The following TMEM178B variants were observed in gnomAD, a reference collection of about 807,000 sequenced individuals.
The protein encoded by TMEM178B is transmembrane protein 178B.
A neutral mutation model predicts 31.0 loss-of-function variants in TMEM178B; 5 were observed. The observed-to-expected ratio is 0.16, with a 90% CI of 0.08 to 0.34. The LOEUF (loss-of-function observed/expected upper bound fraction) is 0.34, where lower values mean the gene tolerates loss of function less well. Ranked by LOEUF, TMEM178B falls within the 10% of genes least tolerant of loss-of-function variation. The probability of loss-of-function intolerance (pLI) is 1.00; values close to 1 mark genes in which losing one functional copy is unlikely to be tolerated. For missense variants in TMEM178B, 275 were observed against 400.3 expected, an observed-to-expected ratio of 0.69 and a Z score of 2.67; for synonymous variants, 164 against 164.0, an observed-to-expected ratio of 1.00 and a Z score of 0.00.
At chr7:141,250,484 A>C (rs1199010748) in intron 2 of TMEM178B, among the ~76,000 whole-genome samples, 1 of 152,226 alleles carries the variant, frequency 6.6e-6, no homozygotes, top group Non-Finnish European at 1.5e-5. Flanking sequence ...GGACAGGACC[A>C]GAAGGAAATA....
chr7:141,338,656 T>G (rs1171955644), intron 2 of TMEM178B, among the ~76,000 whole-genome samples: 1 of 152,160 alleles, frequency 6.6e-6, no homozygotes, highest in African/African-American at 2.4e-5. Flanking sequence ...TTTGGGACAC[T>G]GTATGCAGTA....
chr7:141,272,691 C>T (rs1377231685), intron 2 of TMEM178B, among the ~76,000 whole-genome samples: 1 of 152,216 alleles, frequency 6.6e-6, no homozygotes, highest in African/African-American at 2.4e-5. Flanking sequence ...AGCCCGTGGG[C>T]TGCCCTTGCC....
At chr7:141,451,290 G>T (rs1455950852) in intron 3 of TMEM178B, among the ~76,000 whole-genome samples, 3 of 152,304 alleles carry the variant, frequency 2.0e-5, no homozygotes, top group East Asian at 1.9e-4. Flanking sequence ...GTTGTTATGA[G>T]AATTAAATGA....
intron 2 of TMEM178B, among the ~76,000 whole-genome samples, chr7:141,409,288 G>A (rs1007972389): frequency 6.6e-6 from 1 of 152,156 alleles, no homozygotes; most frequent in Admixed American, 6.5e-5. Flanking sequence ...ACTGTTCCCA[G>A]ATGCATTTTA....
intron 1 of TMEM178B, among the ~76,000 whole-genome samples, chr7:141,200,939 G>T (rs1796866424): frequency 6.6e-6 from 1 of 152,110 alleles, no homozygotes; most frequent in Non-Finnish European, 1.5e-5. Flanking sequence ...GCGAGGATGG[G>T]GATGGCCTGC....
At chr7:141,140,770 TG>T (rs1469519545) in intron 1 of TMEM178B, among the ~76,000 whole-genome samples, 2 of 152,212 alleles carry the variant, frequency 1.3e-5, no homozygotes, top group Non-Finnish European at 2.9e-5. Context: ...GGAACTTGTC[TG>T]ATGTTTTTCT....
At chr7:141,409,611 G>A (rs538619108) in intron 2 of TMEM178B, among the ~76,000 whole-genome samples, 1 of 152,162 alleles carries the variant, frequency 6.6e-6, no homozygotes, top group South Asian at 2.1e-4. Flanking sequence ...AGATGATATG[G>A]TTGAATATTT....
At chr7:141,377,159 GTATTTATTTATTTATTTATTTATT>G (rs199852618) in intron 2 of TMEM178B, among the ~76,000 whole-genome samples, 27 of 145,172 alleles carry the variant, frequency 1.9e-4, no homozygotes, top group African/African-American at 5.3e-4. Flanking sequence ...GGCTACTTCT[GTATTTATTTATTTATTTATTTATT>G]TATTTATTTA....
At chr7:141,106,186 A>G (rs1795143351) in intron 1 of TMEM178B, among the ~76,000 whole-genome samples, 1 of 151,876 alleles carries the variant, frequency 6.6e-6, no homozygotes, top group Admixed American at 6.6e-5. Flanking sequence ...TTGACTTTGC[A>G]TTCTTCATAG....
chr7:141,400,852 G>C (rs1029889811), intron 2 of TMEM178B, among the ~76,000 whole-genome samples: 1 of 152,190 alleles, frequency 6.6e-6, no homozygotes, highest in Non-Finnish European at 1.5e-5. Context: ...GCAAGGACAT[G>C]GTGTGTCACC....
At chr7:141,498,851 T>G in the TMEM178B span, among the ~76,000 whole-genome samples, 2 of 152,196 alleles carry the variant, frequency 1.3e-5, no homozygotes, top group African/African-American at 4.8e-5. Flanking sequence ...TACTATAGTC[T>G]CAAAGTCACA....
intron 2 of TMEM178B, among the ~76,000 whole-genome samples, chr7:141,425,421 G>A (rs1326123223): frequency 1.3e-5 from 2 of 152,160 alleles, no homozygotes; most frequent in Non-Finnish European, 2.9e-5. Flanking sequence ...GCTTCTTTGG[G>A]GTGGGGTAGC....
intron 1 of TMEM178B, among the ~76,000 whole-genome samples, chr7:141,104,244 C>A (rs1040952423): frequency 1.3e-5 from 2 of 152,158 alleles, no homozygotes; most frequent in Non-Finnish European, 2.9e-5. Flanking sequence ...GCTGTCCTGG[C>A]CCCTGCTGTA....
At chr7:141,225,236 T>C (rs972956764) in intron 2 of TMEM178B, among the ~76,000 whole-genome samples, 1 of 152,180 alleles carries the variant, frequency 6.6e-6, no homozygotes, top group African/African-American at 2.4e-5. Flanking sequence ...GCAGGCCTAC[T>C]GCCCTTCTCT....
At chr7:141,127,897 T>G (rs558321092) in intron 1 of TMEM178B, among the ~76,000 whole-genome samples, 3 of 152,210 alleles carry the variant, frequency 2.0e-5, no homozygotes, top group Non-Finnish European at 4.4e-5. Flanking sequence ...GGTTCAGTTC[T>G]TTTGCACCAT....
At chr7:141,306,867 C>G (rs1333640452) in intron 2 of TMEM178B, among the ~76,000 whole-genome samples, 1 of 152,172 alleles carries the variant, frequency 6.6e-6, no homozygotes, top group Non-Finnish European at 1.5e-5. Flanking sequence ...TCCTTGACTT[C>G]TTCATTCCAT....
intron 2 of TMEM178B, among the ~76,000 whole-genome samples, chr7:141,230,309 G>A (rs1480869438): frequency 6.6e-6 from 1 of 152,092 alleles, no homozygotes. Context: ...GAAAAACTGA[G>A]GCAGTTTATA....
intron 2 of TMEM178B, among the ~76,000 whole-genome samples, chr7:141,424,135 G>C (rs1801270736): frequency 6.6e-6 from 1 of 152,098 alleles, no homozygotes; most frequent in Non-Finnish European, 1.5e-5. Context: ...ATTTGTATAA[G>C]TTTTGTTTGA....
intron 1 of TMEM178B, among the ~76,000 whole-genome samples, chr7:141,211,060 A>G (rs2129187646): frequency 6.6e-6 from 1 of 152,154 alleles, no homozygotes; most frequent in South Asian, 2.1e-4. Context: ...TGTGAATGTG[A>G]ATGGAGGAAG....
Sources: gnomAD v4.1 joint callset for allele counts (sites outside exome capture counted in the v4.1 genomes callset) on GRCh38, gnomAD v4.1.1 for gene constraint, MANE v1.5 for transcripts, NCBI Gene and HGNC (gene_info 2026-07-23, HGNC 2026-07-21) for gene names.